Variants in GULP1 observed in about 807,000 individuals in gnomAD.
GULP1 encodes the protein GULP PTB domain containing engulfment adaptor 1.
A neutral mutation model predicts 40.9 loss-of-function variants in GULP1; 19 were observed. The ratio of observed to expected loss-of-function variants is 0.46; its 90% CI spans 0.32 to 0.68. The LOEUF is 0.68. Ranked by LOEUF, GULP1 falls within the 30% of genes least tolerant of loss-of-function variation. The probability of loss-of-function intolerance (pLI) is 0.03; values close to 1 mark genes in which losing one functional copy is unlikely to be tolerated. For synonymous variants in GULP1, 119 were observed against 117.6 expected, an observed-to-expected ratio of 1.01 and a Z score of -0.08; for missense variants, 312 against 362.2, an observed-to-expected ratio of 0.86 and a Z score of 1.12.
intron 6 of GULP1, among the ~76,000 whole-genome samples, chr2:188,537,534 C>T (rs1689261937): frequency 1.3e-5 from 2 of 152,014 alleles, no homozygotes; most frequent in Admixed American, 6.6e-5. Context: ...GGAATGAAGC[C>T]TTCTTGGTTG....
At chr2:188,352,142 C>G (rs771867509) in intron 1 of GULP1, among the ~76,000 whole-genome samples, 1 of 152,074 alleles carries the variant, frequency 6.6e-6, no homozygotes, top group African/African-American at 2.4e-5. Flanking sequence ...GACTAGGTCA[C>G]GGTGTGCCTA....
chr2:188,464,559 C>G (rs534064982), intron 2 of GULP1, among the ~76,000 whole-genome samples: 39 of 152,298 alleles, frequency 2.6e-4, no homozygotes, highest in African/African-American at 9.1e-4. Context: ...CAGCAGGTAG[C>G]AATGCCAGCC....
intron 1 of GULP1, among the ~76,000 whole-genome samples, chr2:188,360,350 A>G (rs1426676757): frequency 6.6e-6 from 1 of 152,108 alleles, no homozygotes; most frequent in Non-Finnish European, 1.5e-5. Flanking sequence ...AATCTCTATT[A>G]TGCACCATAG....
At chr2:188,548,722 G>T (rs933664107) in intron 7 of GULP1, among the ~76,000 whole-genome samples, 9 of 151,970 alleles carry the variant, frequency 5.9e-5, no homozygotes, top group Non-Finnish European at 1.2e-4. Flanking sequence ...TTGGTGGAGG[G>T]AAAGACAATA....
At chr2:188,564,099 A>G (rs944043482) in intron 7 of GULP1, among the ~76,000 whole-genome samples, 1 of 151,972 alleles carries the variant, frequency 6.6e-6, no homozygotes. Flanking sequence ...CATGCTAGGA[A>G]TAGAAGAGAC....
chr2:188,494,647 G>A (rs1214062022), intron 4 of GULP1, among the ~76,000 whole-genome samples: 3 of 152,048 alleles, frequency 2.0e-5, no homozygotes, highest in East Asian at 1.9e-4. Context: ...AAAGAGGAGC[G>A]AGCATTTTTA....
At chr2:188,423,129 C>CTAAG (rs1215694093) in intron 2 of GULP1, among the ~76,000 whole-genome samples, 1 of 152,076 alleles carries the variant, frequency 6.6e-6, no homozygotes, top group East Asian at 1.9e-4. Flanking sequence ...GTTCCACCAG[C>CTAAG]TAAGGGTGAA....
rs184706563 is a variant in GULP1 at position 188,571,653 on chromosome 2, C to G, written c.609+1533C>G. Among the ~76,000 whole-genome samples, 86 of 152,314 alleles carry G rather than the reference C, an allele frequency of 5.6e-4. 2 individuals are homozygous for G. In the Middle Eastern group the frequency reaches 0.014, roughly 24 times the overall value. The stretch of plus-strand genomic sequence containing the variant: ...TTCTTGCCTCTCTCGCTGCTAGGGA[C>G]AGAACATCAGTTCAAACTCATTATT... On this transcript the variant is annotated intron_variant, in intron 9 of 11. Coordinates refer to ENST00000409830, the MANE Select transcript of GULP1 (RefSeq NM_016315.4).
At chr2:188,575,816 G>A (rs979688423) in intron 9 of GULP1, among the ~76,000 whole-genome samples, 14 of 152,042 alleles carry the variant, frequency 9.2e-5, no homozygotes, top group Non-Finnish European at 1.9e-4. Context: ...TGGATCATCT[G>A]GCTGCTATAT....
intron 5 of GULP1, among the ~76,000 whole-genome samples, chr2:188,528,627 A>G (rs1384301384): frequency 6.6e-6 from 1 of 152,146 alleles, no homozygotes; most frequent in Non-Finnish European, 1.5e-5. Flanking sequence ...TGGAAATGGT[A>G]ATCTGCTTCT....
At position 188,531,924 on chromosome 2, in the gene GULP1, A is replaced by G. The variant is rs146520788; in HGVS notation, c.261+2729A>G. On this transcript the variant is annotated intron_variant, in intron 6 of 11. Coordinates refer to ENST00000409830, the MANE Select transcript of GULP1 (RefSeq NM_016315.4). ...GGTAAATGTCCAGCCGGAATAGGGT[A>G]TTTGTAGGCCATGCTTATGTTGAAA... is the stretch of plus-strand genomic sequence containing the variant. Among the ~76,000 whole-genome samples the G allele has an allele frequency of 5.1e-3, 783 of 152,234 alleles. 6 individuals carry two copies. Among genetic ancestry groups the G allele is most frequent in the African/African-American group, 0.018 (737 of 41,546 alleles).
chr2:188,583,040 A>G (rs528481751), intron 9 of GULP1, among the ~76,000 whole-genome samples: 2 of 152,312 alleles, frequency 1.3e-5, no homozygotes, highest in East Asian at 3.9e-4. Context: ...TTTGCTTTTA[A>G]TGACAGCCAA....
intron 1 of GULP1, among the ~76,000 whole-genome samples, chr2:188,335,285 A>C (rs1342653441): frequency 6.6e-6 from 1 of 152,030 alleles, no homozygotes; most frequent in Non-Finnish European, 1.5e-5. Flanking sequence ...TTTTTGATTA[A>C]TTCTCTCTTC....
At chr2:188,540,436 A>ATATGTGTGTG (rs386392111) in intron 6 of GULP1, among the ~76,000 whole-genome samples, 2 of 149,614 alleles carry the variant, frequency 1.3e-5, no homozygotes, top group African/African-American at 4.9e-5. Flanking sequence ...ATAATTTAAT[A>ATATGTGTGTG]TGTGTGTGTG....
intron 2 of GULP1, among the ~76,000 whole-genome samples, chr2:188,444,122 C>G (rs2058184907): frequency 6.6e-6 from 1 of 152,126 alleles, no homozygotes; most frequent in East Asian, 1.9e-4. Flanking sequence ...GCTGATCTTC[C>G]TGCCTTGTAA....
At chr2:188,308,763 A>G (rs1204267054) in intron 1 of GULP1, among the ~76,000 whole-genome samples, 3 of 152,182 alleles carry the variant, frequency 2.0e-5, no homozygotes, top group African/African-American at 7.2e-5. Flanking sequence ...GAGAACTCTT[A>G]TTTAGCTCTG....
intron 1 of GULP1, among the ~76,000 whole-genome samples, chr2:188,353,807 C>T (rs1179923507): frequency 6.6e-6 from 1 of 151,712 alleles, no homozygotes; most frequent in Admixed American, 6.6e-5. Context: ...TTTGGTCACC[C>T]AGAGCAGATA....
At chr2:188,559,414 C>A (rs993487567) in intron 7 of GULP1, among the ~76,000 whole-genome samples, 4 of 152,194 alleles carry the variant, frequency 2.6e-5, no homozygotes, top group African/African-American at 9.7e-5. Flanking sequence ...CTCCTGGATG[C>A]CCAGGCAGAA....
chr2:188,515,719 A>ACACACACACACACACT (rs2065104944), intron 4 of GULP1, among the ~76,000 whole-genome samples: 1 of 151,962 alleles, frequency 6.6e-6, no homozygotes, highest in Non-Finnish European at 1.5e-5. Flanking sequence ...ACACACACAC[A>ACACACACACACACACT]CACACACACA....
Sources: allele counts gnomAD v4.1 joint callset (sites outside exome capture counted in the v4.1 genomes callset), GRCh38; gene constraint gnomAD v4.1.1; transcripts MANE v1.5; gene names NCBI Gene and HGNC (gene_info 2026-07-23, HGNC 2026-07-21).